The following EPHB1 variants were observed in gnomAD, a reference collection of about 807,000 sequenced individuals.
EPHB1 encodes ephrin type-B receptor 1.
Under a neutral mutation model 94.4 loss-of-function variants are expected in EPHB1, and 30 were observed. The observed-to-expected ratio is 0.32, with a 90% CI of 0.24 to 0.43. The LOEUF (loss-of-function observed/expected upper bound fraction) is 0.43, where lower values mean the gene tolerates loss of function less well. Ranked by LOEUF, EPHB1 falls within the 20% of genes least tolerant of loss-of-function variation. EPHB1 has a pLI of 1.00. For synonymous variants in EPHB1, 522 were observed against 489.1 expected, an observed-to-expected ratio of 1.07 and a Z score of -0.89; for missense variants, 1,055 against 1,308.3, an observed-to-expected ratio of 0.81 and a Z score of 2.99.
chr3:134,927,324 C>T (rs930935374), intron 2 of EPHB1, among the ~76,000 whole-genome samples: 32 of 152,148 alleles, frequency 2.1e-4, no homozygotes, highest in African/African-American at 7.5e-4. Context: ...CTGCACTGCT[C>T]GAGGCATAAG....
rs1396833052 is a variant in EPHB1 at position 134,795,395 on chromosome 3, C to T, written c.-237C>T. ...TCTCACACACGCACGCACACACCCACCTCTCCCATAAACACACACACACAC... is the reference window on the plus strand; with the variant it reads ...TCTCACACACGCACGCACACACCCATCTCTCCCATAAACACACACACACAC... On this transcript the variant is annotated 5_prime_UTR_variant, in exon 1 of 16. Transcript: ENST00000398015. The T allele has an allele frequency of 1.9e-6, 1 of 535,550 alleles. No homozygotes were observed. Among genetic ancestry groups the T allele is most frequent in the Non-Finnish European group, 3.3e-6 (1 of 307,616 alleles). 33.2% of individuals were successfully genotyped at this position (535,550 alleles called of 1,614,324 possible).
At chr3:135,144,640 A>G (rs1940949801) in intron 5 of EPHB1, among the ~76,000 whole-genome samples, 2 of 151,804 alleles carry the variant, frequency 1.3e-5, no homozygotes. Flanking sequence ...CCAACCCTCA[A>G]CCCCCACCTG....
chr3:134,900,824 C>T (rs2038184220), intron 1 of EPHB1, among the ~76,000 whole-genome samples: 1 of 152,030 alleles, frequency 6.6e-6, no homozygotes, highest in African/African-American at 2.4e-5. Context: ...GTGAGAGGCA[C>T]ATGGGTGTGT....
intron 1 of EPHB1, chr3:134,796,508 GC>G (rs1357544745): frequency 6.6e-6 from 1 of 152,248 alleles, no homozygotes; most frequent in Non-Finnish European, 1.5e-5. Flanking sequence ...ACTTGGCGGT[GC>G]CTCCGGCTTG....
At chr3:135,257,710 G>C (rs1307748786) in intron 15 of EPHB1, among the ~76,000 whole-genome samples, 2 of 134,682 alleles carry the variant, frequency 1.5e-5, no homozygotes, top group Admixed American at 7.2e-5. Context: ...AGCCTACAGA[G>C]GCAGGCAGGC....
intron 3 of EPHB1, among the ~76,000 whole-genome samples, chr3:135,042,094 A>G (rs549206926): frequency 1.8e-3 from 279 of 152,262 alleles, no homozygotes; most frequent in African/African-American, 6.2e-3. Flanking sequence ...ATGCCAGCTA[A>G]TTTTTTAAAT....
At chr3:134,947,592 C>G (rs562792549) in intron 2 of EPHB1, among the ~76,000 whole-genome samples, 1 of 152,190 alleles carries the variant, frequency 6.6e-6, no homozygotes, top group African/African-American at 2.4e-5. Context: ...GTCATGGAAT[C>G]AATTAGATCT....
chr3:134,891,395 C>T (rs2107685455), intron 1 of EPHB1, among the ~76,000 whole-genome samples: 1 of 152,294 alleles, frequency 6.6e-6, no homozygotes, highest in African/African-American at 2.4e-5. Context: ...CAGGTGTGAG[C>T]CATTGCCCCT....
rs764963089 is a variant in EPHB1, at chr3:135,248,388, A to C, written c.2569A>C (p.Met857Leu). The change falls in exon 14 of 16, where the codon ATG becomes CTG. Residue 857 changes from methionine (M) to leucine (L), a missense_variant. Transcript: ENST00000398015. ...CTGTCCAGCTGCTCTACACCAGCTC[A>C]TGCTGGACTGTTGGCAGAAGGACCG... ...MDCPAALHQL[M>L]LDCWQKDRNS... 21 of 1,613,838 alleles carry C rather than the reference A, an allele frequency of 1.3e-5. No homozygotes were observed. The highest frequency in any genetic ancestry group is 1.7e-5 in the Non-Finnish European group (20 of 1,179,880).
intron 11 of EPHB1, among the ~76,000 whole-genome samples, chr3:135,198,880 C>G (rs1439351436): frequency 6.6e-6 from 1 of 152,088 alleles, no homozygotes; most frequent in African/African-American, 2.4e-5. Context: ...AATAACTTGC[C>G]CAAGCCCACA....
chr3:135,155,552 C>G (rs552638346), intron 6 of EPHB1, among the ~76,000 whole-genome samples: 6 of 151,990 alleles, frequency 3.9e-5, no homozygotes, highest in Admixed American at 3.9e-4. Flanking sequence ...ACCTGCAATC[C>G]TAGCACGTTG....
At chr3:134,854,876 T>C (rs570919690) in intron 1 of EPHB1, among the ~76,000 whole-genome samples, 1 of 151,836 alleles carries the variant, frequency 6.6e-6, no homozygotes, top group Non-Finnish European at 1.5e-5. Context: ...CAAATATAGA[T>C]TCTCTATAAA....
At chr3:135,173,642 G>A (rs1298488183) in intron 9 of EPHB1, among the ~76,000 whole-genome samples, 1 of 152,148 alleles carries the variant, frequency 6.6e-6, no homozygotes, top group Non-Finnish European at 1.5e-5. Context: ...TATTTCTAGT[G>A]CTCGTCAGCC....
chr3:134,893,006 G>A (rs548070928), intron 1 of EPHB1, among the ~76,000 whole-genome samples: 37 of 152,134 alleles, frequency 2.4e-4, no homozygotes, highest in African/African-American at 8.7e-4. Context: ...TCACACACAC[G>A]GTATCAGCCC....
chr3:134,948,555 T>C (rs1419837508), intron 2 of EPHB1, among the ~76,000 whole-genome samples: 1 of 152,196 alleles, frequency 6.6e-6, no homozygotes, highest in Non-Finnish European at 1.5e-5. Context: ...AGTGGTTCTT[T>C]TACATCTAGA....
chr3:135,020,713 G>T (rs1399031260), intron 3 of EPHB1, among the ~76,000 whole-genome samples: 2 of 152,070 alleles, frequency 1.3e-5, no homozygotes, highest in East Asian at 3.8e-4. Context: ...GAGGTTAGGT[G>T]TCCTCTAGTT....
intron 1 of EPHB1, among the ~76,000 whole-genome samples, chr3:134,842,342 C>T (rs1270522776): frequency 4.6e-5 from 7 of 152,188 alleles, no homozygotes; most frequent in African/African-American, 1.4e-4. Context: ...GCAGCCCAAA[C>T]AGATAAAGAC....
intron 2 of EPHB1, among the ~76,000 whole-genome samples, chr3:134,947,001 C>G (rs2039228634): frequency 6.6e-6 from 1 of 152,194 alleles, no homozygotes; most frequent in Non-Finnish European, 1.5e-5. Context: ...GTTGCACCCC[C>G]GTGCTTGGCT....
chr3:135,030,994 C>G (rs577901293), intron 3 of EPHB1, among the ~76,000 whole-genome samples: 9 of 152,156 alleles, frequency 5.9e-5, no homozygotes, highest in Non-Finnish European at 8.8e-5. Context: ...CTCCAGGTGC[C>G]GTCCATCACC....
Sources: allele counts gnomAD v4.1 joint callset (sites outside exome capture counted in the v4.1 genomes callset), GRCh38; gene constraint gnomAD v4.1.1; transcripts MANE v1.5; gene names NCBI Gene and HGNC (gene_info 2026-07-23, HGNC 2026-07-21).